The following ARHGEF9 variants were observed in gnomAD, a reference collection of about 807,000 sequenced individuals.
The protein encoded by ARHGEF9 is rho guanine nucleotide exchange factor 9.
In ARHGEF9, 2 loss-of-function variants were observed where a neutral mutation model predicts 41.3. That is an observed-to-expected ratio of 0.05 (90% CI 0.02 to 0.15). The LOEUF (loss-of-function observed/expected upper bound fraction) is 0.15, where lower values mean the gene tolerates loss of function less well. Among genes scored for constraint, ARHGEF9 ranks in the 10% least tolerant of loss-of-function variants. The probability of loss-of-function intolerance (pLI) is 1.00; values close to 1 mark genes in which losing one functional copy is unlikely to be tolerated. For synonymous variants in ARHGEF9, 160 were observed against 154.4 expected (o/e 1.04, Z -0.27); for missense variants, 225 against 424.7 (o/e 0.53, Z 4.13).
chrX:63,733,271 T>A (rs1348172998), intron 1 of ARHGEF9, among the ~76,000 whole-genome samples: 1 of 111,799 alleles, frequency 8.9e-6, no homozygotes, highest in Non-Finnish European at 1.9e-5. Context: ...GTTTACATAA[T>A]ATGTACCCAG....
rs1428457997 is a variant in ARHGEF9, at chrX:63,771,952, C to T, written c.30+13164G>A. Among the ~76,000 whole-genome samples, 4 of 111,864 alleles carry T rather than the reference C, an allele frequency of 3.6e-5. No homozygotes were observed. The Admixed American group carries it at 3.8e-4, about 11-fold the overall frequency. On this transcript the variant is annotated intron_variant, in intron 1 of 9. Coordinates refer to ENST00000671741, the MANE Select transcript of ARHGEF9 (RefSeq NM_001353921.2). Reference sequence around the variant, plus strand: ...GACTGCCTTTGGACTCTGACTGCAACTCTTCCCTGGGTCTCCAGCCTGCCT... The same window carrying T: ...GACTGCCTTTGGACTCTGACTGCAATTCTTCCCTGGGTCTCCAGCCTGCCT...
intron 8 of ARHGEF9, among the ~76,000 whole-genome samples, chrX:63,650,191 G>C (rs2048451184): frequency 9.0e-6 from 1 of 111,174 alleles, no homozygotes; most frequent in African/African-American, 3.3e-5. Flanking sequence ...GTATCCAAAA[G>C]AAAGGATATC....
intron 4 of ARHGEF9, among the ~76,000 whole-genome samples, chrX:63,683,087 A>G (rs2050756087): frequency 9.0e-6 from 1 of 110,630 alleles, no homozygotes; most frequent in Admixed American, 9.6e-5. Flanking sequence ...AAAGCCCAAA[A>G]GACTCCCTCC....
At chrX:63,663,780 A>AT (rs1234341551) in intron 7 of ARHGEF9, among the ~76,000 whole-genome samples, 1 of 112,251 alleles carries the variant, frequency 8.9e-6, no homozygotes, top group Non-Finnish European at 1.9e-5. Context: ...TCCCATGATC[A>AT]TTTTTCAAAA....
intron 4 of ARHGEF9, among the ~76,000 whole-genome samples, chrX:63,682,133 CAATA>C (rs572010099): frequency 0.072 from 7,295 of 101,464 alleles, 291 homozygotes; most frequent in Admixed American, 0.14. Context: ...TTAAACTCTT[CAATA>C]AATAAATAAA....
chrX:63,710,296 GAA>G (rs75149222), intron 2 of ARHGEF9, among the ~76,000 whole-genome samples: 15 of 22,726 alleles, frequency 6.6e-4, no homozygotes, highest in African/African-American at 2.4e-3. Context: ...CCACATGGGA[GAA>G]AAAAAAAAAA....
intron 1 of ARHGEF9, among the ~76,000 whole-genome samples, chrX:63,773,487 C>G (rs534759639): frequency 8.9e-6 from 1 of 112,286 alleles, no homozygotes; most frequent in South Asian, 3.7e-4. Flanking sequence ...CACACAGATA[C>G]AGAGTAGCGC....
chrX:63,669,602 C>T (rs1460690679), intron 6 of ARHGEF9, among the ~76,000 whole-genome samples: 1 of 110,794 alleles, frequency 9.0e-6, no homozygotes, highest in African/African-American at 3.3e-5. Flanking sequence ...CACTGGCTTC[C>T]GTGTTGTTCC....
chrX:63,753,793 G>A (rs1290049590), intron 1 of ARHGEF9, among the ~76,000 whole-genome samples: 3 of 111,759 alleles, frequency 2.7e-5, no homozygotes, highest in Non-Finnish European at 3.8e-5. Context: ...ACCCTGGAGA[G>A]CAAATTGAGA....
chrX:63,667,655 G>A (rs2049665854), intron 6 of ARHGEF9, among the ~76,000 whole-genome samples: 1 of 110,720 alleles, frequency 9.0e-6, no homozygotes, highest in African/African-American at 3.3e-5. Flanking sequence ...TCTAAAGGAT[G>A]GGAAGGAAAG....
intron 2 of ARHGEF9, among the ~76,000 whole-genome samples, chrX:63,716,668 A>G (rs1399438844): frequency 1.5e-4 from 17 of 111,887 alleles, no homozygotes; most frequent in African/African-American, 5.5e-4. Flanking sequence ...GAAGCACACT[A>G]AACAACCTGA....
chrX:63,745,368 C>A (rs1171508171), intron 1 of ARHGEF9, among the ~76,000 whole-genome samples: 3 of 110,853 alleles, frequency 2.7e-5, no homozygotes, highest in Non-Finnish European at 5.7e-5. Flanking sequence ...TCCCCTCATC[C>A]CCATCCTACT....
intron 1 of ARHGEF9, chrX:63,731,927 C>T (rs1375432843): frequency 9.0e-6 from 1 of 111,607 alleles, no homozygotes; most frequent in Admixed American, 9.5e-5. Flanking sequence ...AAGTCCCTTC[C>T]AGCTCTGGTA....
chrX:63,646,278 A>G (rs139514244), intron 8 of ARHGEF9, among the ~76,000 whole-genome samples: 7,926 of 111,497 alleles, frequency 0.071, 739 homozygotes, highest in African/African-American at 0.25. Flanking sequence ...CATTGCTTTT[A>G]GTGTTTTAGA....
intron 1 of ARHGEF9, among the ~76,000 whole-genome samples, chrX:63,759,776 C>T (rs191424748): frequency 7.1e-5 from 8 of 111,967 alleles, no homozygotes; most frequent in Non-Finnish European, 1.1e-4. Flanking sequence ...GAGGTAGGTA[C>T]GGTAGGTACT....
chrX:63,771,982 A>T (rs2056213590), intron 1 of ARHGEF9, among the ~76,000 whole-genome samples: 1 of 111,490 alleles, frequency 9.0e-6, no homozygotes, highest in Non-Finnish European at 1.9e-5. Context: ...CTGCCTACCT[A>T]CCCTGCAGAT....
At chrX:63,650,902 T>C (rs2048502387) in intron 8 of ARHGEF9, among the ~76,000 whole-genome samples, 1 of 111,075 alleles carries the variant, frequency 9.0e-6, no homozygotes, top group Non-Finnish European at 1.9e-5. Flanking sequence ...TTATGGAAGA[T>C]ATGATAATTA....
chrX:63,667,376 G>A (rs1329682388), intron 6 of ARHGEF9, among the ~76,000 whole-genome samples: 2 of 110,901 alleles, frequency 1.8e-5, no homozygotes, highest in African/African-American at 3.3e-5. Flanking sequence ...CTGTCTTTAG[G>A]CCAAAAAGGC....
Position 63,773,553 on chromosome X carries a change from G to C in ARHGEF9, c.30+11563C>G, listed in dbSNP as rs1489536201. Among the ~76,000 whole-genome samples, 2 of 112,249 alleles carry C rather than the reference G, an allele frequency of 1.8e-5. 1 individual carries two copies. Among genetic ancestry groups the C allele is most frequent in the Admixed American group, 1.9e-4 (2 of 10,606 alleles). On this transcript the variant is annotated intron_variant, in intron 1 of 9. Transcript: ENST00000671741. ...ACTCAATCATCTGATTCTCACAGCA[G>C]ACTGGGAAGACAAGCAAGGGCTATG...
Sources: allele counts gnomAD v4.1 joint callset (sites outside exome capture counted in the v4.1 genomes callset), GRCh38; gene constraint gnomAD v4.1.1; transcripts MANE v1.5; gene names NCBI Gene and HGNC (gene_info 2026-07-23, HGNC 2026-07-21).